Variants in ST18 observed in about 807,000 individuals in gnomAD.
The protein encoded by ST18 is suppression of tumorigenicity 18 protein.
In ST18, 50 loss-of-function variants were observed where a neutral mutation model predicts 110.0. That is an observed-to-expected ratio of 0.45 (90% CI 0.36 to 0.58). The LOEUF (loss-of-function observed/expected upper bound fraction) is 0.58. ST18 is among the 20% of genes least tolerant of loss of function. The probability of loss-of-function intolerance (pLI) is 0.00; values close to 1 mark genes in which losing one functional copy is unlikely to be tolerated. For synonymous variants in ST18, 461 were observed against 452.4 expected (o/e 1.02, Z -0.24); for missense variants, 1,306 against 1,280.1 (o/e 1.02, Z -0.31).
At position 52,363,585 on chromosome 8, in the gene ST18, T is replaced by C. The variant is rs77002179; in HGVS notation, c.-465+45743A>G. ...TTATCATAATATTGGAATTGGCTTA[T>C]AATTTTTTATCTAGCAGTGCCTTTT... On this transcript the variant is annotated intron_variant, in intron 2 of 25. Transcript: ENST00000689386. Among the ~76,000 whole-genome samples the C allele has an allele frequency of 2.3e-4, 35 of 152,338 alleles. No homozygotes were observed. In the East Asian group the frequency reaches 6.8e-3, roughly 29 times the overall value.
chr8:52,235,304 G>A (rs1440683549), intron 2 of ST18, among the ~76,000 whole-genome samples: 1 of 152,092 alleles, frequency 6.6e-6, no homozygotes, highest in Non-Finnish European at 1.5e-5. Context: ...AGTTCCCACA[G>A]GAAACCACGC....
chr8:52,290,502 C>T (rs376328132), intron 2 of ST18, among the ~76,000 whole-genome samples: 13 of 152,290 alleles, frequency 8.5e-5, no homozygotes, highest in East Asian at 5.8e-4. Flanking sequence ...AAAAGGTTGA[C>T]GCATACTTGC....
At chr8:52,317,960 A>G (rs948746959) in intron 2 of ST18, among the ~76,000 whole-genome samples, 4 of 152,238 alleles carry the variant, frequency 2.6e-5, no homozygotes, top group Non-Finnish European at 5.9e-5. Context: ...CATTCAGAAC[A>G]TAGGCACAGG....
chr8:52,184,503 T>A (rs935511866), intron 8 of ST18, among the ~76,000 whole-genome samples: 1 of 152,152 alleles, frequency 6.6e-6, no homozygotes, highest in African/African-American at 2.4e-5. Flanking sequence ...TTTGACACAA[T>A]AGTTGAATGA....
intron 2 of ST18, among the ~76,000 whole-genome samples, chr8:52,317,441 G>A (rs2096052243): frequency 6.6e-6 from 1 of 152,182 alleles, no homozygotes; most frequent in South Asian, 2.1e-4. Flanking sequence ...CCTTCGGAGG[G>A]AGCATGGCCC....
intron 2 of ST18, among the ~76,000 whole-genome samples, chr8:52,248,146 G>A (rs533019902): frequency 1.3e-5 from 2 of 152,030 alleles, no homozygotes; most frequent in South Asian, 2.1e-4. Flanking sequence ...AATCTTTCAC[G>A]AATACTACTA....
At chr8:52,363,807 T>A (rs1050148723) in intron 2 of ST18, among the ~76,000 whole-genome samples, 5 of 152,194 alleles carry the variant, frequency 3.3e-5, no homozygotes, top group African/African-American at 7.2e-5. Flanking sequence ...TGTGTGTGTG[T>A]GAGTTTTTCT....
At chr8:52,385,111 T>G (rs1269177124) in intron 2 of ST18, among the ~76,000 whole-genome samples, 2 of 152,158 alleles carry the variant, frequency 1.3e-5, no homozygotes, top group East Asian at 3.9e-4. Flanking sequence ...ATTTTTCAGT[T>G]TCTAGAATAA....
At chr8:52,389,107 G>T (rs981273454) in intron 2 of ST18, among the ~76,000 whole-genome samples, 1 of 152,194 alleles carries the variant, frequency 6.6e-6, no homozygotes, top group Non-Finnish European at 1.5e-5. Flanking sequence ...GAGGAGGCGA[G>T]GCGAGCCTGG....
chr8:52,141,529 T>G (rs2055050297), intron 17 of ST18, among the ~76,000 whole-genome samples: 1 of 152,158 alleles, frequency 6.6e-6, no homozygotes, highest in Non-Finnish European at 1.5e-5. Context: ...GGCTTTGTTC[T>G]TGGTAAAGGA....
chr8:52,162,035 C>A (rs979121566), intron 13 of ST18, among the ~76,000 whole-genome samples: 6 of 152,122 alleles, frequency 3.9e-5, no homozygotes, highest in Non-Finnish European at 7.4e-5. Context: ...CATGGTGAAA[C>A]CCCTGTCTCT....
intron 8 of ST18, chr8:52,206,339 A>C (rs1274395356): frequency 6.6e-6 from 1 of 152,248 alleles, no homozygotes; most frequent in Non-Finnish European, 1.5e-5. Context: ...ATACATAAAC[A>C]TACAAGAGCA....
chr8:52,287,149 A>G (rs2095484166), intron 2 of ST18, among the ~76,000 whole-genome samples: 1 of 152,168 alleles, frequency 6.6e-6, no homozygotes, highest in South Asian at 2.1e-4. Flanking sequence ...TTAAACATTA[A>G]CAGCAGGATG....
At chr8:52,267,154 G>A (rs969314566) in intron 2 of ST18, among the ~76,000 whole-genome samples, 7 of 152,088 alleles carry the variant, frequency 4.6e-5, no homozygotes, top group African/African-American at 1.7e-4. Flanking sequence ...AAAGTCACAG[G>A]TATGACAGTG....
chr8:52,317,561 T>C (rs2096054786), intron 2 of ST18, among the ~76,000 whole-genome samples: 1 of 152,236 alleles, frequency 6.6e-6, no homozygotes, highest in South Asian at 2.1e-4. Context: ...CCCTAGGAAA[T>C]TATTATATTG....
At chr8:52,146,757 C>T (rs2057418040) in intron 16 of ST18, among the ~76,000 whole-genome samples, 2 of 152,070 alleles carry the variant, frequency 1.3e-5, no homozygotes, top group Admixed American at 1.3e-4. Context: ...AGATTCAGAA[C>T]AGGATGTGAA....
chr8:52,238,719 A>G (rs970686677), intron 2 of ST18, among the ~76,000 whole-genome samples: 1 of 152,134 alleles, frequency 6.6e-6, no homozygotes, highest in Non-Finnish European at 1.5e-5. Flanking sequence ...AGCAAGATGA[A>G]TGGAACTAGA....
At chr8:52,194,486 G>T (rs1325405792) in intron 8 of ST18, 1 of 152,194 alleles carries the variant, frequency 6.6e-6, no homozygotes, top group Non-Finnish European at 1.5e-5. Flanking sequence ...TGAGGTCTGT[G>T]TGTTAGGAGC....
chr8:52,161,386 G>A lies in ST18; in HGVS notation c.1583C>T (p.Pro528Leu). The A allele has an allele frequency of 1.9e-6, 3 of 1,613,752 alleles. No individual in the cohort carries two copies. Among genetic ancestry groups the A allele is most frequent in the African/African-American group, 1.3e-5 (1 of 75,040 alleles). The change falls in exon 14 of 26, where the codon CCA (proline) becomes CTA (leucine). Residue 528 changes from proline (P) to leucine (L), a missense_variant. Coordinates refer to ENST00000689386, the MANE Select transcript of ST18 (RefSeq NM_001352837.2). ...AGCTCAAAGCTTACATTCAGGAAATGGTGGTGTTTTTCGTCCTTGCACTGT... is the reference window on the plus strand; with the variant it reads ...AGCTCAAAGCTTACATTCAGGAAATAGTGGTGTTTTTCGTCCTTGCACTGT... ...IQTVQGRKTP[P>L]FPESKHFPNP...
Sources: gnomAD v4.1 joint callset for allele counts (sites outside exome capture counted in the v4.1 genomes callset) on GRCh38, gnomAD v4.1.1 for gene constraint, MANE v1.5 for transcripts, NCBI Gene and HGNC (gene_info 2026-07-23, HGNC 2026-07-21) for gene names.